The following PLEKHG7 variants were observed in gnomAD, a reference collection of about 807,000 sequenced individuals.
The protein encoded by PLEKHG7 is pleckstrin homology domain-containing family G member 7.
A neutral mutation model predicts 85.2 loss-of-function variants in PLEKHG7; 77 were observed. The ratio of observed to expected loss-of-function variants is 0.90; its 90% CI spans 0.75 to 1.09. The LOEUF is 1.09. Among genes scored for constraint, PLEKHG7 ranks in the 50% least tolerant of loss-of-function variants. The pLI is 0.00. For synonymous variants in PLEKHG7, 301 were observed against 302.4 expected (o/e 1.00, Z 0.05); for missense variants, 777 against 804.3 (o/e 0.97, Z 0.41).
At chr12:92,705,639 C>G (rs2136565581) in intron 1 of PLEKHG7, among the ~76,000 whole-genome samples, 1 of 152,352 alleles carries the variant, frequency 6.6e-6, no homozygotes, top group Non-Finnish European at 1.5e-5. Context: ...AGATGGGTCT[C>G]TCGCCTGTCC....
rs202246144 is a variant in PLEKHG7, at chr12:92,737,749, G to A, written c.939+228G>A. On this transcript the variant is annotated intron_variant, in intron 7 of 16. Coordinates refer to ENST00000344636, the MANE Select transcript of PLEKHG7 (RefSeq NM_001377329.1). ...GGAAGGAGGGAGGAAGGGAGGGAGG[G>A]AGGAAGGAAGGAAGGAAGGAAGGGA... 8.7e-5 allele frequency among the ~76,000 whole-genome samples: 11 copies of A among 126,022 alleles called. 1 individual carries two copies. The highest frequency in any genetic ancestry group is 2.8e-4 in the South Asian group (1 of 3,552). The allele number at this position is 126,022 out of a possible 152,430, so 82.7% of individuals were successfully genotyped here.
At chr12:92,740,160 G>C (rs1351323830) in intron 7 of PLEKHG7, among the ~76,000 whole-genome samples, 2 of 152,134 alleles carry the variant, frequency 1.3e-5, no homozygotes, top group Non-Finnish European at 2.9e-5. Context: ...TTGTCCTTTT[G>C]TCCCTTTGAA....
intron 10 of PLEKHG7, among the ~76,000 whole-genome samples, chr12:92,750,630 C>A (rs1408844945): frequency 6.6e-6 from 1 of 152,190 alleles, no homozygotes; most frequent in East Asian, 1.9e-4. Context: ...AAATCAGTTA[C>A]AAGAACTCCC....
intron 13 of PLEKHG7, among the ~76,000 whole-genome samples, chr12:92,758,762 T>C (rs1245861040): frequency 6.6e-6 from 1 of 152,204 alleles, no homozygotes; most frequent in Non-Finnish European, 1.5e-5. Flanking sequence ...CTCCATATGA[T>C]GTAGTCTACA....
At chr12:92,723,919 A>G (rs1208160566) in intron 3 of PLEKHG7, among the ~76,000 whole-genome samples, 1 of 152,222 alleles carries the variant, frequency 6.6e-6, no homozygotes, top group African/African-American at 2.4e-5. Flanking sequence ...TAATGATACT[A>G]GAGTGTATAC....
At chr12:92,746,967 T>A (rs1872551422) in intron 10 of PLEKHG7, among the ~76,000 whole-genome samples, 1 of 152,148 alleles carries the variant, frequency 6.6e-6, no homozygotes, top group Non-Finnish European at 1.5e-5. Flanking sequence ...GACATTGGTC[T>A]ACACAAATAT....
At chr12:92,751,786 G>A (rs1410687677) in intron 10 of PLEKHG7, among the ~76,000 whole-genome samples, 1 of 152,112 alleles carries the variant, frequency 6.6e-6, no homozygotes, top group Non-Finnish European at 1.5e-5. Flanking sequence ...ACTTTGGGAG[G>A]TGTGCAGATT....
chr12:92,762,893 C>A (rs1217510665), intron 14 of PLEKHG7, among the ~76,000 whole-genome samples: 1 of 152,082 alleles, frequency 6.6e-6, no homozygotes, highest in Admixed American at 6.6e-5. Context: ...AATAGCTAAT[C>A]GGTGGTTGGG....
intron 3 of PLEKHG7, among the ~76,000 whole-genome samples, chr12:92,713,454 G>C (rs1371666709): frequency 6.6e-6 from 1 of 152,146 alleles, no homozygotes; most frequent in Non-Finnish European, 1.5e-5. Flanking sequence ...GTCCATTATG[G>C]TAGCTACACC....
chr12:92,727,069 C>T lies in PLEKHG7; in HGVS notation c.531-1924C>T, dbSNP rs1041407646. 3.3e-5 allele frequency among the ~76,000 whole-genome samples: 5 copies of T among 152,246 alleles called. No individual in the cohort carries two copies. The East Asian group carries it at 9.7e-4, about 29-fold the overall frequency. ...CTCTTCTGCTTTGGATTAGTCAAAA[C>T]CATAAACAGCAAGTAAGGCTGGAAG... On this transcript the variant is annotated intron_variant, in intron 3 of 16. Transcript: ENST00000344636.
At chr12:92,738,142 C>A (rs1430202131) in intron 7 of PLEKHG7, among the ~76,000 whole-genome samples, 1 of 152,174 alleles carries the variant, frequency 6.6e-6, no homozygotes, top group Non-Finnish European at 1.5e-5. Context: ...CACCCACATG[C>A]AATTTAGTAC....
intron 3 of PLEKHG7, among the ~76,000 whole-genome samples, chr12:92,714,640 A>T (rs1204819220): frequency 6.6e-6 from 1 of 152,198 alleles, no homozygotes; most frequent in Non-Finnish European, 1.5e-5. Flanking sequence ...CCCTGAGTTC[A>T]TCATTTTCTC....
chr12:92,761,779 T>C lies in PLEKHG7; in HGVS notation c.1664T>C (p.Leu555Pro), dbSNP rs769219615. The change falls in exon 14 of 17, where the codon CTG (leucine) becomes CCG (proline). Residue 555 changes from leucine to proline, a missense_variant. Around this residue, in one of 3 missense-constraint regions of PLEKHG7, gnomAD observed 520 missense variants for 544.0 expected, o/e 0.96. Coordinates refer to ENST00000344636, the MANE Select transcript of PLEKHG7 (RefSeq NM_001377329.1). Reference sequence around the variant, plus strand: ...AGCACGAGATTCCTAGATGTTTATCTGTTTCTCTTCAATGATTTCCTCTTA... The same window carrying C: ...AGCACGAGATTCCTAGATGTTTATCCGTTTCTCTTCAATGATTTCCTCTTA... Reference protein sequence around the residue: ...AESTRFLDVYLFLFNDFLLVT... With the variant: ...AESTRFLDVYPFLFNDFLLVT... 6 of 1,577,706 alleles carry C rather than the reference T, an allele frequency of 3.8e-6. No individual in the cohort carries two copies. Among genetic ancestry groups the C allele is most frequent in the Non-Finnish European group, 5.1e-6 (6 of 1,167,788 alleles).
At chr12:92,761,593 AAAAG>A (rs1196655364) in intron 13 of PLEKHG7, among the ~76,000 whole-genome samples, 155 bp from the exon 14 acceptor site, 3 of 149,692 alleles carry the variant, frequency 2.0e-5, no homozygotes, top group African/African-American at 7.4e-5. Flanking sequence ...AGAGAGAATG[AAAAG>A]AAAGAAAGAA....
At chr12:92,720,525 C>A (rs543327226) in intron 3 of PLEKHG7, among the ~76,000 whole-genome samples, 2 of 152,228 alleles carry the variant, frequency 1.3e-5, no homozygotes, top group South Asian at 4.2e-4. Context: ...CAGGGTCCCA[C>A]CATCTTGGCC....
chr12:92,738,583 A>C (rs764964219), intron 7 of PLEKHG7, among the ~76,000 whole-genome samples: 48 of 152,370 alleles, frequency 3.2e-4, no homozygotes, highest in Non-Finnish European at 4.7e-4. Flanking sequence ...CTGCCATTGC[A>C]GTACAAAAGC....
At position 92,707,913 on chromosome 12, in the gene PLEKHG7, G is replaced by A. The variant is rs559107971; in HGVS notation, c.530+241G>A. 23 of 588,140 alleles carry A rather than the reference G, an allele frequency of 3.9e-5. No individual in the cohort carries two copies. The South Asian group carries it at 5.4e-4, about 14-fold the overall frequency. 36.4% of individuals were successfully genotyped at this position (588,140 alleles called of 1,614,324 possible). On this transcript the variant is annotated intron_variant, in intron 3 of 16. Transcript: ENST00000344636. The stretch of plus-strand genomic sequence containing the variant: ...CATATGCAGTCATAGTTTTCATTTT[G>A]AATTGTCAATGTCTTGGCCCTGTGG...
intron 3 of PLEKHG7, among the ~76,000 whole-genome samples, chr12:92,712,434 G>T (rs1871382984): frequency 6.6e-6 from 1 of 152,192 alleles, no homozygotes; most frequent in South Asian, 2.1e-4. Flanking sequence ...CTCAAGCAAT[G>T]AAACCACATC....
chr12:92,747,261 A>AG (rs1037119535), intron 10 of PLEKHG7, among the ~76,000 whole-genome samples: 1 of 151,800 alleles, frequency 6.6e-6, no homozygotes, highest in African/African-American at 2.4e-5. Flanking sequence ...AGGTATATGA[A>AG]AAAAAAAAAA....
Sources: gnomAD v4.1 joint callset for allele counts (sites outside exome capture counted in the v4.1 genomes callset) on GRCh38, gnomAD v4.1.1 for gene constraint, gnomAD v4.1.1 regional missense constraint, MANE v1.5 for transcripts, NCBI Gene and HGNC (gene_info 2026-07-23, HGNC 2026-07-21) for gene names.